Variants in MAP3K7 observed in about 807,000 individuals in gnomAD.
MAP3K7 encodes mitogen-activated protein kinase kinase kinase 7.
Under a neutral mutation model 84.8 loss-of-function variants are expected in MAP3K7, and 21 were observed. That is an observed-to-expected ratio of 0.25 (90% CI 0.18 to 0.36). The LOEUF is 0.36. Among genes scored for constraint, MAP3K7 ranks in the 10% least tolerant of loss-of-function variants. The pLI is 1.00. For missense variants in MAP3K7, 503 were observed against 747.7 expected (o/e 0.67, Z 3.82); for synonymous variants, 241 against 247.7 (o/e 0.97, Z 0.25).
intron 12 of MAP3K7, among the ~76,000 whole-genome samples, chr6:90,543,092 TATG>T (rs1396555358): frequency 1.1e-4 from 2 of 18,614 alleles, no homozygotes; most frequent in African/African-American, 2.2e-4. Flanking sequence ...AGTTCAGCGG[TATG>T]TAAGTTTAAA....
chr6:90,569,348 C>T (rs1256685499), intron 2 of MAP3K7, among the ~76,000 whole-genome samples: 1 of 152,162 alleles, frequency 6.6e-6, no homozygotes, highest in East Asian at 1.9e-4. Flanking sequence ...ACCTGAACTG[C>T]TGCAGTGATC....
chr6:90,561,698 C>T (rs1447702625), intron 3 of MAP3K7, 31 bp from the exon 4 acceptor site: 1 of 1,513,962 alleles, frequency 6.6e-7, no homozygotes, highest in Non-Finnish European at 9.2e-7. Context: ...AAGCATTAAC[C>T]AAGAAGCTCC....
chr6:90,573,926 A>C (rs989530650), intron 1 of MAP3K7, among the ~76,000 whole-genome samples: 1 of 152,198 alleles, frequency 6.6e-6, no homozygotes, highest in African/African-American at 2.4e-5. Flanking sequence ...GTTCTCCTTC[A>C]CAATTCTCAT....
chr6:90,573,665 T>C lies in MAP3K7; in HGVS notation c.121-1858A>G, dbSNP rs144814605. ...TAAAAGGGAGGCAAATGGAGTCACATGGTTGTAACTTGCCCAAGATTGGAT... is the reference window on the plus strand; with the variant it reads ...TAAAAGGGAGGCAAATGGAGTCACACGGTTGTAACTTGCCCAAGATTGGAT... On this transcript the variant is annotated intron_variant, in intron 1 of 16. Coordinates refer to ENST00000369329, the MANE Select transcript of MAP3K7 (RefSeq NM_145331.3). Among the ~76,000 whole-genome samples the C allele has an allele frequency of 9.3e-4, 141 of 152,322 alleles. 2 individuals are homozygous for C. In the East Asian group the frequency reaches 0.025, roughly 27 times the overall value.
intron 13 of MAP3K7, among the ~76,000 whole-genome samples, chr6:90,533,729 G>C (rs1388568883): frequency 6.6e-6 from 1 of 152,160 alleles, no homozygotes; most frequent in Non-Finnish European, 1.5e-5. Flanking sequence ...GGTGTTCTGA[G>C]AGATTATGTC....
In MAP3K7 at chr6:90,550,550, C is replaced by CTA. The variant is rs1776148277; in HGVS notation, c.868-3_868-2dup. The stretch of plus-strand genomic sequence containing the variant: ...ATGGCTCATCTGCTCCTGGAAAGTA[C>CTA]TATATATAAAAAAGTAAACCACAGC... On this transcript the variant is annotated splice_acceptor_variant, in intron 8 of 16. Transcript: ENST00000369329. LOFTEE classifies it high-confidence loss of function. The CTA allele has an allele frequency of 1.3e-6, 2 of 1,592,424 alleles. No homozygotes were observed. The highest frequency in any genetic ancestry group is 1.7e-6 in the Non-Finnish European group (2 of 1,164,780).
intron 15 of MAP3K7, among the ~76,000 whole-genome samples, chr6:90,518,847 AATG>A (rs1474184278): frequency 6.6e-6 from 1 of 151,702 alleles, no homozygotes; most frequent in African/African-American, 2.4e-5. Context: ...GCTCAAACTA[AATG>A]ATGTTTATAG....
At position 90,515,673 on chromosome 6, in the gene MAP3K7, G is replaced by GA; in HGVS notation, c.*827dup. 1 of 150,240 alleles carries GA rather than the reference G, an allele frequency of 6.7e-6. No individual in the cohort carries two copies. The allele number at this position is 150,240 out of a possible 1,614,324, so 9.3% of individuals were successfully genotyped here. A position where few individuals can be genotyped will look rare whatever the true frequency, so the allele number is the denominator to read the frequency against. The stretch of plus-strand genomic sequence containing the variant: ...AACAATCCAAGAATCACTGCAGGAA[G>GA]AAATGATCATTTAAGCTCAATCATG... On this transcript the variant is annotated 3_prime_UTR_variant, in exon 17 of 17. Coordinates refer to ENST00000369329, the MANE Select transcript of MAP3K7 (RefSeq NM_145331.3).
chr6:90,516,737 G>C, intron 16 of MAP3K7, 56 bp from the exon 17 acceptor site: 1 of 1,364,078 alleles, frequency 7.3e-7, no homozygotes. Context: ...TACCTTAGTA[G>C]CTGATGATGG....
intron 1 of MAP3K7, among the ~76,000 whole-genome samples, chr6:90,578,705 C>A (rs1777167721): frequency 6.6e-6 from 1 of 152,134 alleles, no homozygotes. Context: ...CTCCTTCCCC[C>A]CATTCTGATA....
At position 90,586,928 on chromosome 6, in the gene MAP3K7, A is replaced by G; in HGVS notation, c.-45T>C. On this transcript the variant is annotated 5_prime_UTR_variant, in exon 1 of 17. Transcript: ENST00000369329. ...TGGGGCCGGGAACGGTGCCACCCGG[A>G]CAATCCGGGTGAGACCCGCGCCCAC... The G allele has an allele frequency of 6.4e-7, 1 of 1,565,730 alleles. No individual in the cohort carries two copies. Among genetic ancestry groups the G allele is most frequent in the Non-Finnish European group, 8.6e-7 (1 of 1,162,592 alleles).
intron 1 of MAP3K7, among the ~76,000 whole-genome samples, chr6:90,572,418 A>G (rs935285637): frequency 6.6e-6 from 1 of 152,222 alleles, no homozygotes; most frequent in African/African-American, 2.4e-5. Flanking sequence ...AAGTCAAAGA[A>G]GTCAGACACC....
chr6:90,514,118 G>A lies in MAP3K7; in HGVS notation c.*2383C>T, dbSNP rs996700712. 1.3e-5 allele frequency: 2 copies of A among 151,804 alleles called. No homozygotes were observed. Among genetic ancestry groups the A allele is most frequent in the African/African-American group, 2.4e-5 (1 of 41,358 alleles). The allele number at this position is 151,804 out of a possible 1,614,324, so 9.4% of individuals were successfully genotyped here. On this transcript the variant is annotated 3_prime_UTR_variant, in exon 17 of 17. Coordinates refer to ENST00000369329, the MANE Select transcript of MAP3K7 (RefSeq NM_145331.3). ...ATTGTTTTTGAATTTCTTAGACTGG[G>A]GCATTCCAGCCACTTGCTTGGCTGT...
In MAP3K7 at chr6:90,556,516, T is replaced by C; in HGVS notation, c.591A>G (p.Ala197=). The change falls in exon 6 of 17, where the codon GCA becomes GCG. Residue 197 remains alanine, a synonymous_variant. Coordinates refer to ENST00000369329, the MANE Select transcript of MAP3K7 (RefSeq NM_145331.3). The stretch of plus-strand genomic sequence containing the variant: ...CCATTTTACCTTCAAAAACTTCAGG[T>C]GCCATCCAAGCAGCACTCCCCTTGT... ...TNNKGSAAWM[A]PEVFEGSNYS... 1.2e-6 allele frequency: 2 copies of C among 1,612,846 alleles called. No homozygotes were observed. The highest frequency in any genetic ancestry group is 1.7e-5 in the Admixed American group (1 of 59,818).
intron 1 of MAP3K7, 115 bp downstream of exon 1, chr6:90,586,649 C>G (rs1777468300): frequency 7.1e-7 from 1 of 1,404,640 alleles, no homozygotes; most frequent in Non-Finnish European, 9.4e-7. Context: ...CCGGGTGGAC[C>G]CCGCAGGGTC....
In MAP3K7 at chr6:90,514,585, A is replaced by G. The variant is rs576829412; in HGVS notation, c.*1916T>C. On this transcript the variant is annotated 3_prime_UTR_variant, in exon 17 of 17. Transcript: ENST00000369329. The stretch of plus-strand genomic sequence containing the variant: ...TGTTATAATACAGCAAAACACATCA[A>G]TGACTATAAATAAAATCTGAAATCT... 2.0e-5 allele frequency: 3 copies of G among 152,180 alleles called. No homozygotes were observed. In the East Asian group the frequency reaches 5.8e-4, roughly 29 times the overall value. 9.4% of individuals were successfully genotyped at this position (152,180 alleles called of 1,614,324 possible).
intron 12 of MAP3K7, among the ~76,000 whole-genome samples, chr6:90,543,854 T>C (rs1277698672): frequency 6.6e-6 from 1 of 152,054 alleles, no homozygotes; most frequent in East Asian, 1.9e-4. Context: ...TATTCCTCTA[T>C]GAAATGATCA....
At chr6:90,558,150 G>A (rs1262780100) in intron 5 of MAP3K7, among the ~76,000 whole-genome samples, 2 of 151,818 alleles carry the variant, frequency 1.3e-5, no homozygotes, top group Non-Finnish European at 1.5e-5. Context: ...GTGAAACCCT[G>A]TCTCTACTAA....
At chr6:90,539,994 T>TA (rs1295585478) in intron 12 of MAP3K7, among the ~76,000 whole-genome samples, 1 of 151,994 alleles carries the variant, frequency 6.6e-6, no homozygotes, top group African/African-American at 2.4e-5. Context: ...ACGCGTTTTT[T>TA]ATTCAGTTAA....
Sources: allele counts gnomAD v4.1 joint callset (sites outside exome capture counted in the v4.1 genomes callset), GRCh38; gene constraint gnomAD v4.1.1; transcripts MANE v1.5; gene names NCBI Gene and HGNC (gene_info 2026-07-23, HGNC 2026-07-21).